The following MICAL3 variants were observed in gnomAD, a reference collection of about 807,000 sequenced individuals.
MICAL3 encodes the protein microtubule associated monooxygenase, calponin and LIM domain containing 3.
Under a neutral mutation model 207.4 loss-of-function variants are expected in MICAL3, and 62 were observed. The ratio of observed to expected loss-of-function variants is 0.30; its 90% CI spans 0.24 to 0.37. The LOEUF (loss-of-function observed/expected upper bound fraction) is 0.37. Among genes scored for constraint, MICAL3 ranks in the 10% least tolerant of loss-of-function variants. The probability of loss-of-function intolerance (pLI) is 1.00; values close to 1 mark genes in which losing one functional copy is unlikely to be tolerated. For missense variants in MICAL3, 2,368 were observed against 2,635.6 expected (o/e 0.90, Z 2.22); for synonymous variants, 1,077 against 1,069.3 (o/e 1.01, Z -0.14).
intron 1 of MICAL3, among the ~76,000 whole-genome samples, chr22:17,990,295 G>A (rs563937859): frequency 2.6e-5 from 4 of 152,228 alleles, no homozygotes; most frequent in East Asian, 1.9e-4. Flanking sequence ...TCCAAACACC[G>A]CAAAGAAACC....
At chr22:17,864,752 A>C in intron 19 of MICAL3, 147 bp downstream of exon 19, 1 of 1,613,916 alleles carries the variant, frequency 6.2e-7, no homozygotes, top group Non-Finnish European at 8.5e-7. Context: ...AGCAGCTGGC[A>C]CATGAAAAAG....
intron 1 of MICAL3, among the ~76,000 whole-genome samples, chr22:17,935,292 G>C (rs934654927): frequency 6.6e-6 from 1 of 152,178 alleles, no homozygotes; most frequent in African/African-American, 2.4e-5. Context: ...ACAACCATCT[G>C]ATCTTTGACA....
At chr22:17,852,532 T>A (rs951694644) in intron 19 of MICAL3, among the ~76,000 whole-genome samples, 2 of 152,242 alleles carry the variant, frequency 1.3e-5, no homozygotes, top group Non-Finnish European at 2.9e-5. Context: ...CGGGGCACCC[T>A]TTCTACAGCA....
At chr22:18,014,147 C>A (rs952028801) in intron 1 of MICAL3, among the ~76,000 whole-genome samples, 2 of 145,752 alleles carry the variant, frequency 1.4e-5, no homozygotes, top group African/African-American at 5.2e-5. Context: ...ACACACATTT[C>A]TTGGTTTCCT....
chr22:18,007,918 A>G (rs1303549711), intron 1 of MICAL3, among the ~76,000 whole-genome samples: 1 of 84,988 alleles, frequency 1.2e-5, no homozygotes, highest in Non-Finnish European at 2.1e-5. Flanking sequence ...GCGAGACTCC[A>G]TCTCAAAAAA....
Position 17,877,211 on chromosome 22 carries a change from G to A in MICAL3, c.2242-5188C>T, listed in dbSNP as rs1323200088. 1.1e-3 allele frequency among the ~76,000 whole-genome samples: 87 copies of A among 81,202 alleles called. 2 individuals are homozygous for A. The highest frequency in any genetic ancestry group is 3.7e-3 in the African/African-American group (58 of 15,574). 53.3% of individuals were successfully genotyped at this position (81,202 alleles called of 152,430 possible). On this transcript the variant is annotated intron_variant, in intron 16 of 31. Transcript: ENST00000441493. ...TTATGGAGGTTAGGGAGGTTATGGA[G>A]GTTATGGAGGTTAGGGAGGTTATGG...
At chr22:17,975,092 C>T (rs1374904740) in intron 1 of MICAL3, among the ~76,000 whole-genome samples, 2 of 152,074 alleles carry the variant, frequency 1.3e-5, no homozygotes, top group Admixed American at 6.5e-5. Flanking sequence ...CCAAAAACAG[C>T]TCAAGACTGA....
At chr22:17,977,930 G>A (rs1333738348) in intron 1 of MICAL3, among the ~76,000 whole-genome samples, 2 of 152,100 alleles carry the variant, frequency 1.3e-5, no homozygotes, top group Non-Finnish European at 2.9e-5. Flanking sequence ...GCTGAGGCAG[G>A]AGAATCACTT....
chr22:17,818,224 G>A lies in MICAL3; in HGVS notation c.4437C>T (p.Ala1479=), dbSNP rs531958573. 182 of 1,542,108 alleles carry A rather than the reference G, an allele frequency of 1.2e-4. No individual in the cohort carries two copies. The highest frequency in any genetic ancestry group is 7.7e-4 in the East Asian group (32 of 41,346). The change falls in exon 26 of 32, where the codon GCC becomes GCT. Residue 1479 remains alanine (A), a synonymous_variant. Coordinates refer to ENST00000441493, the MANE Select transcript of MICAL3 (RefSeq NM_015241.3). ...GCGGGACCACCGAGGCATTGGGCTC[G>A]GCCTCCCTGAGCTTCCTCCGCAAGG... is the stretch of plus-strand genomic sequence containing the variant. ...PATLRRKLRE[A]EPNASVVPPP... is the part of the protein sequence containing the mutation.
At chr22:17,972,388 G>A (rs912338508) in intron 1 of MICAL3, among the ~76,000 whole-genome samples, 2 of 152,218 alleles carry the variant, frequency 1.3e-5, no homozygotes, top group Non-Finnish European at 1.5e-5. Context: ...GGGACTCCAA[G>A]TAGAAACTGA....
intron 1 of MICAL3, among the ~76,000 whole-genome samples, chr22:17,959,009 G>GTTTT (rs1569147355): frequency 3.4e-5 from 4 of 118,892 alleles, no homozygotes; most frequent in African/African-American, 1.2e-4. Context: ...CCGGGCCTGG[G>GTTTT]GTTTTTTTTT....
At chr22:17,850,078 T>C (rs962051593) in intron 19 of MICAL3, among the ~76,000 whole-genome samples, 1 of 152,092 alleles carries the variant, frequency 6.6e-6, no homozygotes, top group Non-Finnish European at 1.5e-5. Context: ...CTGAGAATAG[T>C]GGGAAAGCAG....
At chr22:17,891,388 C>T in intron 12 of MICAL3, 97 bp downstream of exon 12, 1 of 1,104,900 alleles carries the variant, frequency 9.1e-7, no homozygotes, top group Non-Finnish European at 1.3e-6. Flanking sequence ...TTACTATGTA[C>T]CTCATTCTAG....
At position 17,841,807 on chromosome 22, in the gene MICAL3, G is replaced by C; in HGVS notation, c.2801+15C>G. The C allele has an allele frequency of 6.5e-7, 1 of 1,542,426 alleles. No homozygotes were observed. The highest frequency in any genetic ancestry group is 1.2e-5 in the South Asian group (1 of 83,978). ...CCGTGTGGCGGGTGGGCGCCCTGCAGCCCTGCGTGCTGACCTGCTGGCGAC... is the reference window on the plus strand; with the variant it reads ...CCGTGTGGCGGGTGGGCGCCCTGCACCCCTGCGTGCTGACCTGCTGGCGAC... On this transcript the variant is annotated intron_variant, in intron 20 of 31. Transcript: ENST00000441493. This position sits in a 1 kb window ranked among gnomAD's most constrained non-coding sequence, Gnocchi z 4.2.
intron 1 of MICAL3, among the ~76,000 whole-genome samples, chr22:17,969,682 C>T (rs1476934285): frequency 6.6e-6 from 1 of 152,174 alleles, no homozygotes; most frequent in African/African-American, 2.4e-5. Flanking sequence ...TATTTTGGGA[C>T]TTTGGAGGTA....
chr22:17,838,313 A>C (rs556464875), intron 20 of MICAL3, among the ~76,000 whole-genome samples: 3 of 152,166 alleles, frequency 2.0e-5, no homozygotes, highest in East Asian at 1.9e-4. Context: ...GCCCTGGGTG[A>C]CTCTGGCATG....
intron 16 of MICAL3, chr22:17,879,352 A>C: frequency 1.2e-6 from 2 of 1,610,036 alleles, no homozygotes; most frequent in Non-Finnish European, 1.7e-6. Context: ...TTACCCTCTC[A>C]TGGTGGGGGC....
At chr22:17,799,982 A>ACACACACACACACACACACG (rs932512538) in intron 29 of MICAL3, among the ~76,000 whole-genome samples, 1 of 147,650 alleles carries the variant, frequency 6.8e-6, no homozygotes, top group African/African-American at 2.5e-5. Context: ...ACACACACAC[A>ACACACACACACACACACACG]CGCGTTGGGA....
chr22:17,918,523 T>A (rs2146292510), intron 1 of MICAL3, among the ~76,000 whole-genome samples: 1 of 152,244 alleles, frequency 6.6e-6, no homozygotes, highest in East Asian at 1.9e-4. Flanking sequence ...GCAGCACATA[T>A]CACGTAGCCT....
Sources: gnomAD v4.1 joint callset for allele counts (sites outside exome capture counted in the v4.1 genomes callset) on GRCh38, gnomAD v4.1.1 for gene constraint, Gnocchi (gnomAD v3.1) non-coding constraint, MANE v1.5 for transcripts, NCBI Gene and HGNC (gene_info 2026-07-23, HGNC 2026-07-21) for gene names.